The following SGCD variants were observed in gnomAD, a reference collection of about 807,000 sequenced individuals.
The protein encoded by SGCD is delta-sarcoglycan.
SGCD carries 18 observed loss-of-function variants against 36.6 expected under a neutral mutation model. The observed-to-expected ratio is 0.49, with a 90% CI of 0.34 to 0.73. The LOEUF is 0.73. SGCD is among the 30% of genes least tolerant of loss of function. The probability of loss-of-function intolerance (pLI) is 0.01; values close to 1 mark genes in which losing one functional copy is unlikely to be tolerated. For synonymous variants in SGCD, 133 were observed against 130.6 expected (o/e 1.02, Z -0.12); for missense variants, 387 against 346.7 (o/e 1.12, Z -0.92).
chr5:155,847,863 G>A, the SGCD span, among the ~76,000 whole-genome samples: 1 of 152,314 alleles, frequency 6.6e-6, no homozygotes, highest in African/African-American at 2.4e-5. Context: ...TTCTTGACTA[G>A]TGGAATCATG....
chr5:156,382,673 T>A (rs1236914664), intron 3 of SGCD, among the ~76,000 whole-genome samples: 2 of 152,154 alleles, frequency 1.3e-5, no homozygotes, highest in Non-Finnish European at 2.9e-5. Context: ...CTAAATCTAG[T>A]AGAGGATATA....
rs183140244 is a variant in SGCD, at chr5:156,563,698, G to C, written c.295-25533G>C. On this transcript the variant is annotated intron_variant, in intron 4 of 8. Transcript: ENST00000337851. ...CTTAACGGAAGCTGTTTCCCCTTTG[G>C]GGGGATCAGTTGGTCAGTTCTGATC... 3.1e-3 allele frequency among the ~76,000 whole-genome samples: 479 copies of C among 152,188 alleles called. 4 individuals carry two copies. The highest frequency in any genetic ancestry group is 9.7e-3 in the African/African-American group (404 of 41,516).
intron 1 of SGCD, among the ~76,000 whole-genome samples, chr5:156,068,143 T>C (rs934861648): frequency 7.2e-5 from 11 of 152,026 alleles, no homozygotes; most frequent in Admixed American, 6.6e-4. Context: ...TTATTTTATT[T>C]TAAGTTTTAG....
intron 6 of SGCD, among the ~76,000 whole-genome samples, chr5:156,607,043 C>T (rs1174981418): frequency 6.6e-6 from 1 of 152,228 alleles, no homozygotes; most frequent in African/African-American, 2.4e-5. Flanking sequence ...TTGCTTCCTT[C>T]TCCTGCCTAA....
intron 3 of SGCD, among the ~76,000 whole-genome samples, chr5:156,306,258 G>A (rs1767209674): frequency 1.3e-5 from 2 of 152,238 alleles, no homozygotes; most frequent in African/African-American, 2.4e-5. Flanking sequence ...ACTGAATCAT[G>A]GGGGCAGGTC....
At chr5:156,549,553 A>G (rs1758711082) in intron 4 of SGCD, among the ~76,000 whole-genome samples, 1 of 152,240 alleles carries the variant, frequency 6.6e-6, no homozygotes, top group South Asian at 2.1e-4. Flanking sequence ...TGGGCTAGAA[A>G]TAAAACATGC....
chr5:156,123,546 A>G (rs1387645483), intron 2 of SGCD, among the ~76,000 whole-genome samples: 1 of 152,188 alleles, frequency 6.6e-6, no homozygotes, highest in Non-Finnish European at 1.5e-5. Context: ...TGTGCCACAG[A>G]CAATGAATTA....
the SGCD span, among the ~76,000 whole-genome samples, chr5:155,826,597 G>C: frequency 1.0e-3 from 159 of 152,284 alleles, no homozygotes; most frequent in African/African-American, 3.7e-3. Flanking sequence ...GAGCCTTCTT[G>C]TCGTAAAAGT....
chr5:155,868,360 CTTTTTTT>C (rs10532701), upstream of SGCD, among the ~76,000 whole-genome samples: 6 of 110,734 alleles, frequency 5.4e-5, no homozygotes, highest in Non-Finnish European at 1.1e-4. Context: ...CCCTTTTTTT[CTTTTTTT>C]TTTTTTTTTT....
intron 3 of SGCD, among the ~76,000 whole-genome samples, chr5:156,201,607 A>C (rs138041390): frequency 9.5e-4 from 145 of 152,286 alleles, no homozygotes; most frequent in African/African-American, 3.3e-3. Context: ...AGTCCAGTCT[A>C]GGAGGTAAAG....
At chr5:155,861,013 G>A in the SGCD span, among the ~76,000 whole-genome samples, 1 of 152,142 alleles carries the variant, frequency 6.6e-6, no homozygotes, top group Non-Finnish European at 1.5e-5. Flanking sequence ...GCAGAGAATT[G>A]GAAGGTATTG....
chr5:156,013,631 T>C (rs1206548158), intron 1 of SGCD, among the ~76,000 whole-genome samples: 1 of 152,148 alleles, frequency 6.6e-6, no homozygotes, highest in African/African-American at 2.4e-5. Context: ...TCGTAGACCA[T>C]TATTATTTCT....
the SGCD span, among the ~76,000 whole-genome samples, chr5:155,810,585 TA>T: frequency 6.6e-5 from 10 of 152,212 alleles, no homozygotes; most frequent in East Asian, 1.9e-3. Flanking sequence ...CAGTTACAAC[TA>T]ACTTTCCTAA....
intron 1 of SGCD, among the ~76,000 whole-genome samples, chr5:156,089,250 C>T (rs1761178103): frequency 6.6e-6 from 1 of 152,202 alleles, no homozygotes. Context: ...TGGTTCTACT[C>T]TGATTTGGAG....
rs185334755 is a variant in SGCD, at chr5:156,613,301, A to G, written c.502+18250A>G. On this transcript the variant is annotated intron_variant, in intron 6 of 8. Transcript: ENST00000337851. ...AGGACTCATCAAATCCTGAAATTGT[A>G]CACAGCCCTTGTGTGTTCACAAAAT... Among the ~76,000 whole-genome samples, 346 of 152,348 alleles carry G rather than the reference A, an allele frequency of 2.3e-3. 6 individuals carry two copies. Among genetic ancestry groups the G allele is most frequent in the Non-Finnish European group, 1.5e-3 (99 of 68,028 alleles).
rs1240255809 is a variant in SGCD at position 156,052,558 on chromosome 5, A to G, written c.-281-65320A>G. On this transcript the variant is annotated intron_variant, in intron 1 of 9. Transcript: ENST00000517913. Reference sequence around the variant, plus strand: ...GAAGCAGGGTGGTGAGATATATAGAAATGAAGACATGTGAACATGGAATAT... The same window carrying G: ...GAAGCAGGGTGGTGAGATATATAGAGATGAAGACATGTGAACATGGAATAT... Among the ~76,000 whole-genome samples, 2 of 146,158 alleles carry G rather than the reference A, an allele frequency of 1.4e-5. 1 individual carries two copies. The highest frequency in any genetic ancestry group is 3.1e-5 in the Non-Finnish European group (2 of 64,856).
intron 7 of SGCD, among the ~76,000 whole-genome samples, chr5:156,726,246 A>AACTGCC (rs1330007251): frequency 1.3e-5 from 2 of 152,178 alleles, no homozygotes; most frequent in Non-Finnish European, 2.9e-5. Flanking sequence ...CCCTAAATAA[A>AACTGCC]ACTGCCCCCT....
chr5:156,269,340 G>A (rs1184751099), intron 3 of SGCD, among the ~76,000 whole-genome samples: 1 of 151,580 alleles, frequency 6.6e-6, no homozygotes, highest in African/African-American at 2.4e-5. Context: ...CATGTTGGCG[G>A]GTGCCTGTTG....
intron 3 of SGCD, among the ~76,000 whole-genome samples, chr5:156,285,407 T>C (rs552521923): frequency 1.3e-5 from 2 of 152,208 alleles, no homozygotes; most frequent in Non-Finnish European, 2.9e-5. Context: ...GGCATCATGC[T>C]ACCTGACTTC....
Sources: allele counts gnomAD v4.1 joint callset (sites outside exome capture counted in the v4.1 genomes callset), GRCh38; gene constraint gnomAD v4.1.1; transcripts MANE v1.5; gene names NCBI Gene and HGNC (gene_info 2026-07-23, HGNC 2026-07-21).